The following DOP1A variants were observed in gnomAD, a reference collection of about 807,000 sequenced individuals.
The protein encoded by DOP1A is protein DOP1A.
DOP1A carries 90 observed loss-of-function variants against 267.6 expected under a neutral mutation model. The observed-to-expected ratio is 0.34, with a 90% CI of 0.28 to 0.40. DOP1A has a LOEUF of 0.40. Ranked by LOEUF, DOP1A falls within the 10% of genes least tolerant of loss-of-function variation. The pLI is 1.00. For missense variants in DOP1A, 2,437 were observed against 2,900.4 expected, an observed-to-expected ratio of 0.84 and a Z score of 3.67; for synonymous variants, 932 against 999.1, an observed-to-expected ratio of 0.93 and a Z score of 1.27.
In DOP1A at chr6:83,121,864, T is replaced by A. The variant is rs940749928; in HGVS notation, c.1100-66T>A. 6.7e-6 allele frequency: 10 copies of A among 1,487,952 alleles called. No individual in the cohort carries two copies. The East Asian group carries it at 2.1e-4, about 32-fold the overall frequency. The allele number at this position is 1,487,952 out of a possible 1,614,324, so 92.2% of individuals were successfully genotyped here. A position where few individuals can be genotyped will look rare whatever the true frequency, so the allele number is the denominator to read the frequency against. On this transcript the variant is annotated intron_variant, in intron 10 of 38. Transcript: ENST00000349129. The stretch of plus-strand genomic sequence containing the variant: ...TTAAAACATTGTTTCATTGGGCCAA[T>A]TTTCAGATAAGCATGATTTGCTCAT...
intron 19 of DOP1A, among the ~76,000 whole-genome samples, chr6:83,135,376 A>G (rs1335557996): frequency 6.6e-6 from 1 of 152,016 alleles, no homozygotes; most frequent in African/African-American, 2.4e-5. Context: ...TTAGTAATGT[A>G]TGCCTGTGAA....
intron 1 of DOP1A, among the ~76,000 whole-genome samples, chr6:83,084,359 TC>T (rs142394924): frequency 0.066 from 9,986 of 152,262 alleles, 408 homozygotes; most frequent in Middle Eastern, 0.099. Context: ...TACCATTATG[TC>T]TGTTTAAGCA....
At position 83,122,888 on chromosome 6, in the gene DOP1A, G is replaced by A; in HGVS notation, c.1246G>A (p.Ala416Thr). The A allele has an allele frequency of 1.3e-6, 2 of 1,530,046 alleles. No homozygotes were observed. The highest frequency in any genetic ancestry group is 1.8e-6 in the Non-Finnish European group (2 of 1,138,448). 94.8% of individuals were successfully genotyped at this position (1,530,046 alleles called of 1,614,324 possible). The stretch of plus-strand genomic sequence containing the variant: ...TAAATTAAGAGAAAATAAGAAAACA[G>A]CAGAGCTGATTAAAACTGCTAACCT... ...SSKLRENKKT[A>T]ELIKTANLLF... The change falls in exon 12 of 39, where the codon GCA becomes ACA. Residue 416 changes from alanine to threonine, a missense_variant. Around this residue, in one of 9 missense-constraint regions of DOP1A, gnomAD observed 498 missense variants for 513.5 expected, o/e 0.97. Coordinates refer to ENST00000349129, the MANE Select transcript of DOP1A (RefSeq NM_015018.4).
chr6:83,099,708 G>GTGTGTA (rs1562294040), intron 3 of DOP1A, among the ~76,000 whole-genome samples: 129 of 72,058 alleles, frequency 1.8e-3, no homozygotes, highest in Middle Eastern at 6.8e-3. Context: ...GTGTGTGTGT[G>GTGTGTA]TATATACATA....
chr6:83,107,923 A>C (rs1773911838), intron 4 of DOP1A, among the ~76,000 whole-genome samples: 1 of 152,180 alleles, frequency 6.6e-6, no homozygotes. Flanking sequence ...GATTGTACAG[A>C]GATATGTAGT....
At chr6:83,093,756 A>T (rs1439391825) in intron 1 of DOP1A, among the ~76,000 whole-genome samples, 13 of 152,072 alleles carry the variant, frequency 8.5e-5, no homozygotes, top group Non-Finnish European at 1.6e-4. Context: ...AAATACAAAA[A>T]TTAGCCAGGC....
chr6:83,158,990 C>T (rs187809045), intron 36 of DOP1A, among the ~76,000 whole-genome samples: 146 of 152,294 alleles, frequency 9.6e-4, no homozygotes, highest in Non-Finnish European at 6.5e-4. Flanking sequence ...GCAGATCTTC[C>T]AGATGGTCCC....
intron 1 of DOP1A, among the ~76,000 whole-genome samples, chr6:83,068,134 A>G (rs1288837363): frequency 1.3e-5 from 2 of 152,156 alleles, no homozygotes; most frequent in Non-Finnish European, 2.9e-5. Flanking sequence ...AGGCTGGGGC[A>G]GAGGTCGCAC....
intron 1 of DOP1A, among the ~76,000 whole-genome samples, chr6:83,091,855 A>G (rs946719837): frequency 6.6e-5 from 10 of 152,212 alleles, no homozygotes; most frequent in Non-Finnish European, 1.5e-4. Flanking sequence ...TACTCTGTCT[A>G]CCACATTCTT....
At chr6:83,123,602 G>A (rs1776682938) in intron 12 of DOP1A, among the ~76,000 whole-genome samples, 1 of 151,982 alleles carries the variant, frequency 6.6e-6, no homozygotes, top group Non-Finnish European at 1.5e-5. Context: ...AATAAAAAAT[G>A]TTAATTGTTG....
In DOP1A at chr6:83,128,949, T is replaced by C; in HGVS notation, c.1782T>C (p.Ser594=). Residue 594 remains serine (S), a synonymous_variant, in exon 16 of 39, where the codon AGT becomes AGC. Coordinates refer to ENST00000349129, the MANE Select transcript of DOP1A (RefSeq NM_015018.4). ...TTGAAGATGGAGAAAATCCACCAAG[T>C]AGTCGATCATCAGAGAGTGGATTCA... ...EVFEDGENPP[S]SRSSESGFTE... 1 of 1,573,298 alleles carries C rather than the reference T, an allele frequency of 6.4e-7. No homozygotes were observed.
chr6:83,099,490 G>A (rs1772139841), intron 3 of DOP1A, among the ~76,000 whole-genome samples: 1 of 151,936 alleles, frequency 6.6e-6, no homozygotes, highest in African/African-American at 2.4e-5. Flanking sequence ...AGATATACTG[G>A]GAACTCTTTT....
At chr6:83,124,671 A>G (rs771783669) in intron 12 of DOP1A, 34 bp from the exon 13 acceptor site, 27 of 1,471,662 alleles carry the variant, frequency 1.8e-5, no homozygotes, top group Non-Finnish European at 2.5e-5. Flanking sequence ...ATCACTTGAC[A>G]GTATACTTAA....
At chr6:83,087,492 C>T (rs1016403929) in intron 1 of DOP1A, among the ~76,000 whole-genome samples, 1 of 152,098 alleles carries the variant, frequency 6.6e-6, no homozygotes, top group Admixed American at 6.5e-5. Flanking sequence ...GAAGATTCCA[C>T]ACTCTTTACC....
rs773771911 is a variant in DOP1A at position 83,152,266 on chromosome 6, TTTAA to T, written c.6050-19_6050-16del. The T allele has an allele frequency of 1.4e-6, 2 of 1,456,054 alleles. No homozygotes were observed. The highest frequency in any genetic ancestry group is 1.9e-6 in the Non-Finnish European group (2 of 1,063,624). The allele number at this position is 1,456,054 out of a possible 1,614,324, so 90.2% of individuals were successfully genotyped here. On this transcript the variant is annotated intron_variant, in intron 29 of 38. Transcript: ENST00000349129. The stretch of plus-strand genomic sequence containing the variant: ...ATTTTCAGTGGGAATTAGCCATATC[TTTAA>T]TTTTCTCTTATTTATAGATATGTTA...
downstream of DOP1A, chr6:83,169,054 A>G (rs1786495873): frequency 7.8e-6 from 11 of 1,405,208 alleles, no homozygotes; most frequent in African/African-American, 7.2e-5. Flanking sequence ...TAACAAGTGT[A>G]AGGCTTACCT....
intron 4 of DOP1A, among the ~76,000 whole-genome samples, chr6:83,101,249 C>T (rs893729056): frequency 2.0e-5 from 3 of 152,202 alleles, no homozygotes; most frequent in Admixed American, 2.0e-4. Flanking sequence ...ATCTCCTGAC[C>T]TCATGATCCG....
At position 83,109,091 on chromosome 6, in the gene DOP1A, A is replaced by G. The variant is rs764765432; in HGVS notation, c.491+11A>G. ...AGAGTACTATGAGAGGTAAGATCAT[A>G]TTTGGTGCAGTTATGTAATTGAAGT... is the stretch of plus-strand genomic sequence containing the variant. On this transcript the variant is annotated intron_variant, in intron 5 of 38. Transcript: ENST00000349129. The G allele has an allele frequency of 4.5e-5, 72 of 1,606,196 alleles. No individual in the cohort carries two copies. The highest frequency in any genetic ancestry group is 9.4e-5 in the African/African-American group (7 of 74,664).
At chr6:83,148,142 G>A (rs962242102) in intron 26 of DOP1A, among the ~76,000 whole-genome samples, 3 of 152,120 alleles carry the variant, frequency 2.0e-5, no homozygotes, top group African/African-American at 7.2e-5. Flanking sequence ...GGCTAGGGGC[G>A]GTGACTCTCG....
Sources: gnomAD v4.1 joint callset for allele counts (sites outside exome capture counted in the v4.1 genomes callset) on GRCh38, gnomAD v4.1.1 for gene constraint, gnomAD v4.1.1 regional missense constraint, MANE v1.5 for transcripts, NCBI Gene and HGNC (gene_info 2026-07-23, HGNC 2026-07-21) for gene names.